The following ADRA1B variants were observed in gnomAD, a reference collection of about 807,000 sequenced individuals.
The protein encoded by ADRA1B is alpha-1B adrenergic receptor.
ADRA1B carries 17 observed loss-of-function variants against 17.9 expected under a neutral mutation model. That is an observed-to-expected ratio of 0.95 (90% CI 0.65 to 1.42). The LOEUF is 1.42. ADRA1B is among the 40% of genes most tolerant of loss of function. The pLI, the probability that ADRA1B is intolerant of heterozygous loss-of-function variation, is 0.00. For synonymous variants in ADRA1B, 366 were observed against 327.6 expected (o/e 1.12, Z -1.27); for missense variants, 681 against 722.1 (o/e 0.94, Z 0.65).
intron 1 of ADRA1B, among the ~76,000 whole-genome samples, chr5:159,920,508 C>T (rs1350015175): frequency 6.6e-6 from 1 of 152,086 alleles, no homozygotes; most frequent in Non-Finnish European, 1.5e-5. Context: ...CTTCTCCTTG[C>T]GATGAAAACT....
chr5:159,974,344 A>C (rs979758884), downstream of ADRA1B, among the ~76,000 whole-genome samples: 2 of 152,174 alleles, frequency 1.3e-5, no homozygotes, highest in Admixed American at 6.5e-5. Context: ...TGAAAAAGAA[A>C]AAGAAAACCA....
chr5:159,889,344 C>T (rs80279422), intron 1 of ADRA1B, among the ~76,000 whole-genome samples: 1 of 151,590 alleles, frequency 6.6e-6, no homozygotes, highest in Non-Finnish European at 1.5e-5. Context: ...CACAAATACA[C>T]ATCTACACAT....
chr5:159,932,552 A>G (rs1432452449), intron 1 of ADRA1B, among the ~76,000 whole-genome samples: 1 of 152,202 alleles, frequency 6.6e-6, no homozygotes, highest in Non-Finnish European at 1.5e-5. Context: ...ATTTACACCA[A>G]TAGATAAGAC....
intron 1 of ADRA1B, among the ~76,000 whole-genome samples, chr5:159,924,683 G>A (rs112526490): frequency 8.5e-5 from 13 of 152,178 alleles, no homozygotes; most frequent in African/African-American, 1.9e-4. Context: ...CAGCAGGTGC[G>A]TGTGTAGCTG....
At chr5:159,893,373 C>T (rs1336709141) in intron 1 of ADRA1B, among the ~76,000 whole-genome samples, 1 of 34,980 alleles carries the variant, frequency 2.9e-5, no homozygotes, top group Non-Finnish European at 6.5e-5. Flanking sequence ...ATGCCCAGTG[C>T]CTTATCCATA....
chr5:159,982,760 C>A, the ADRA1B span, among the ~76,000 whole-genome samples: 1 of 152,140 alleles, frequency 6.6e-6, no homozygotes, highest in African/African-American at 2.4e-5. Context: ...AGGAAAATTG[C>A]AAGTTTCTCC....
intron 1 of ADRA1B, among the ~76,000 whole-genome samples, chr5:159,875,717 A>C (rs1051087121): frequency 2.0e-5 from 3 of 152,160 alleles, no homozygotes; most frequent in Non-Finnish European, 2.9e-5. Flanking sequence ...CTTGTGCCAC[A>C]CAAGTTCCAG....
chr5:159,896,971 A>T (rs1478830114), intron 1 of ADRA1B, among the ~76,000 whole-genome samples: 1 of 152,216 alleles, frequency 6.6e-6, no homozygotes. Flanking sequence ...ATAATATGAG[A>T]CAATGGAAAA....
At chr5:159,964,248 C>A (rs992006933) in intron 1 of ADRA1B, among the ~76,000 whole-genome samples, 5 of 152,180 alleles carry the variant, frequency 3.3e-5, no homozygotes, top group Non-Finnish European at 5.9e-5. Flanking sequence ...TCTTTCAATC[C>A]TTTAGGTTCC....
chr5:159,967,712 T>C (rs1755800578), intron 1 of ADRA1B, among the ~76,000 whole-genome samples: 1 of 152,194 alleles, frequency 6.6e-6, no homozygotes, highest in Non-Finnish European at 1.5e-5. Flanking sequence ...GGGCAAAGAA[T>C]GGCCCTTGGC....
At chr5:159,927,812 G>A (rs1258300983) in intron 1 of ADRA1B, among the ~76,000 whole-genome samples, 1 of 152,002 alleles carries the variant, frequency 6.6e-6, no homozygotes, top group Non-Finnish European at 1.5e-5. Flanking sequence ...CAGATGGGGA[G>A]GAAAGAGAAA....
At chr5:159,888,517 A>C (rs1753950150) in intron 1 of ADRA1B, 1 of 152,212 alleles carries the variant, frequency 6.6e-6, no homozygotes, top group African/African-American at 2.4e-5. Flanking sequence ...AGTAGAGTCT[A>C]GTCAGGAAGC....
chr5:159,868,649 C>G (rs188170372), intron 1 of ADRA1B: 1 of 152,160 alleles, frequency 6.6e-6, no homozygotes, highest in South Asian at 2.1e-4. Context: ...CCTATGCAGT[C>G]TATGGGTGGC....
At chr5:159,988,545 G>T in the ADRA1B span, among the ~76,000 whole-genome samples, 2 of 152,160 alleles carry the variant, frequency 1.3e-5, no homozygotes, top group African/African-American at 4.8e-5. Context: ...CCCTCTCCAG[G>T]AGGAGACAAC....
chr5:159,914,115 C>T (rs537232996), upstream of ADRA1B, among the ~76,000 whole-genome samples: 15 of 152,330 alleles, frequency 9.8e-5, no homozygotes, highest in Non-Finnish European at 1.9e-4. Flanking sequence ...TCGGGGGCCA[C>T]TTTATCCAGC....
At chr5:159,978,043 C>A in the ADRA1B span, among the ~76,000 whole-genome samples, 2 of 152,124 alleles carry the variant, frequency 1.3e-5, no homozygotes, top group African/African-American at 4.8e-5. Flanking sequence ...CCCTATTGCC[C>A]TTTCCCACTT....
At chr5:159,894,945 A>G (rs1260389095) in intron 1 of ADRA1B, among the ~76,000 whole-genome samples, 1 of 152,182 alleles carries the variant, frequency 6.6e-6, no homozygotes, top group Non-Finnish European at 1.5e-5. Context: ...ATGTTCACAT[A>G]CCTCCGCTAG....
At chr5:159,904,208 A>G (rs1754133600) in intron 1 of ADRA1B, among the ~76,000 whole-genome samples, 2 of 152,238 alleles carry the variant, frequency 1.3e-5, no homozygotes, top group African/African-American at 4.8e-5. Context: ...GGGTCTGGAC[A>G]TTAGAGACCT....
chr5:159,873,006 A>G (rs1465527006), intron 1 of ADRA1B, among the ~76,000 whole-genome samples: 3 of 141,166 alleles, frequency 2.1e-5, no homozygotes, highest in African/African-American at 5.4e-5. Flanking sequence ...ACTCCCACCT[A>G]TGAGTGAGAA....
Sources: allele counts gnomAD v4.1 joint callset (sites outside exome capture counted in the v4.1 genomes callset), GRCh38; gene constraint gnomAD v4.1.1; transcripts MANE v1.5; gene names NCBI Gene and HGNC (gene_info 2026-07-23, HGNC 2026-07-21).